Variants in ATXN7 observed in about 807,000 individuals in gnomAD.
The protein encoded by ATXN7 is ataxin 7.
Under a neutral mutation model 70.5 loss-of-function variants are expected in ATXN7, and 12 were observed. That is an observed-to-expected ratio of 0.17 (90% CI 0.11 to 0.28). The LOEUF (loss-of-function observed/expected upper bound fraction) is 0.28. ATXN7 is among the 10% of genes least tolerant of loss of function. The pLI, the probability that ATXN7 is intolerant of heterozygous loss-of-function variation, is 1.00. For synonymous variants in ATXN7, 498 were observed against 448.7 expected, an observed-to-expected ratio of 1.11 and a Z score of -1.39; for missense variants, 1,256 against 1,131.7, an observed-to-expected ratio of 1.11 and a Z score of -1.58.
rs767660545 is a variant in ATXN7 at position 63,995,806 on chromosome 3, G to C, written c.1984G>C (p.Val662Leu). 1 of 1,614,030 alleles carries C rather than the reference G, an allele frequency of 6.2e-7. No homozygotes were observed. The highest frequency in any genetic ancestry group is 8.5e-7 in the Non-Finnish European group (1 of 1,180,042). The change falls in exon 12 of 13, where the codon GTT becomes CTT. Residue 662 changes from valine to leucine, a missense_variant. Coordinates refer to ENST00000674280, the MANE Select transcript of ATXN7 (RefSeq NM_001377405.1). ...SPSTPSGLSS[V>L]PSSPMSRKPQ... is the part of the protein sequence containing the mutation. Reference sequence around the variant, plus strand: ...TTCCACGCCCTCTGGCCTTTCCTCGGTTCCTTCCTCCCCCATGTCCAGGAA... The same window carrying C: ...TTCCACGCCCTCTGGCCTTTCCTCGCTTCCTTCCTCCCCCATGTCCAGGAA...
In ATXN7 at chr3:63,961,404, C is replaced by T. The variant is rs535032804; in HGVS notation, c.499+8921C>T. Among the ~76,000 whole-genome samples the T allele has an allele frequency of 1.4e-4, 21 of 152,172 alleles. No homozygotes were observed. In the South Asian group the frequency reaches 3.7e-3, roughly 27 times the overall value. On this transcript the variant is annotated intron_variant, in intron 5 of 12. Coordinates refer to ENST00000674280, the MANE Select transcript of ATXN7 (RefSeq NM_001377405.1). ...TTACTGTATACAGTGCTCTAAGGAC[C>T]GTCCTTCTTTGGGAATGTCTGTCAG...
At chr3:63,942,466 G>A (rs992988390) in intron 4 of ATXN7, among the ~76,000 whole-genome samples, 2 of 152,076 alleles carry the variant, frequency 1.3e-5, no homozygotes, top group Admixed American at 1.3e-4. Flanking sequence ...TCAACACTTC[G>A]CAGGGTTTTT....
upstream of ATXN7, chr3:63,863,496 CG>C: frequency 1.7e-6 from 2 of 1,179,702 alleles, no homozygotes; most frequent in South Asian, 4.3e-5. Context: ...ACCACGCTCC[CG>C]GCACACCCTA....
rs62251623 is a variant in ATXN7, at chr3:63,879,509, A to G, written c.-111+15351A>G. On this transcript the variant is annotated intron_variant, in intron 1 of 12. Transcript: ENST00000674280. Reference sequence around the variant, plus strand: ...TCAGTTTTTTTTTTTTTTTTTTTAAATAGAGTCTTGCTCTGTCACCCAGGC... The same window carrying G: ...TCAGTTTTTTTTTTTTTTTTTTTAAGTAGAGTCTTGCTCTGTCACCCAGGC... Among the ~76,000 whole-genome samples, 366 of 148,866 alleles carry G rather than the reference A, an allele frequency of 2.5e-3. 2 individuals carry two copies. The highest frequency in any genetic ancestry group is 8.7e-3 in the African/African-American group (353 of 40,398).
chr3:63,970,444 T>A (rs1559650775), intron 5 of ATXN7, among the ~76,000 whole-genome samples: 1 of 152,184 alleles, frequency 6.6e-6, no homozygotes, highest in Non-Finnish European at 1.5e-5. Context: ...GCTGAGGTGA[T>A]CAACTGTTGT....
intron 5 of ATXN7, among the ~76,000 whole-genome samples, chr3:63,961,005 C>G (rs1447021975): frequency 6.6e-6 from 1 of 152,024 alleles, no homozygotes; most frequent in Non-Finnish European, 1.5e-5. Flanking sequence ...CACTGCCTTT[C>G]AATTTGTTTT....
intron 2 of ATXN7, among the ~76,000 whole-genome samples, chr3:63,907,948 CTT>C (rs1203532488): frequency 6.6e-6 from 1 of 152,014 alleles, no homozygotes; most frequent in Admixed American, 6.6e-5. Flanking sequence ...ATTTTCTTCT[CTT>C]TTCAAGCAAT....
intron 4 of ATXN7, among the ~76,000 whole-genome samples, chr3:63,934,689 C>G (rs1239127746): frequency 1.3e-5 from 2 of 152,170 alleles, no homozygotes. Flanking sequence ...CCCTACCGCA[C>G]TTACCACAGA....
At chr3:63,942,780 A>C (rs1247627865) in intron 4 of ATXN7, among the ~76,000 whole-genome samples, 1 of 152,212 alleles carries the variant, frequency 6.6e-6, no homozygotes, top group Non-Finnish European at 1.5e-5. Flanking sequence ...ACACAGTTAC[A>C]AAAGTTTTAT....
rs981718065 is a variant in ATXN7, at chr3:63,990,758, G to A, written c.1581G>A (p.Arg527=). The change falls in exon 11 of 13, where the codon CGG becomes CGA. Residue 527 remains arginine, a synonymous_variant. Transcript: ENST00000674280. The part of the protein sequence containing the change: ...QPASFCTFGS[R]QIGRGYYVFD... ...TGCAGTTTTGCACATTTGGGAGCCG[G>A]CAGATAGGAAGAGGCTATTACGTGT... The A allele has an allele frequency of 6.2e-7, 1 of 1,614,106 alleles. No homozygotes were observed. The highest frequency in any genetic ancestry group is 1.1e-5 in the South Asian group (1 of 91,076).
chr3:63,973,499 G>C (rs1227781601), intron 5 of ATXN7, among the ~76,000 whole-genome samples: 2 of 152,104 alleles, frequency 1.3e-5, no homozygotes, highest in South Asian at 4.1e-4. Flanking sequence ...TTCTGTCACA[G>C]TTCACTCTTC....
chr3:63,895,708 T>TCTTC (rs1290945020), intron 1 of ATXN7, among the ~76,000 whole-genome samples: 1 of 151,930 alleles, frequency 6.6e-6, no homozygotes, highest in East Asian at 1.9e-4. Flanking sequence ...TTTCTTTCTT[T>TCTTC]CTTCCTTCCT....
Position 63,926,275 on chromosome 3 carries a change from A to G in ATXN7, c.394+13050A>G, listed in dbSNP as rs181692191. Among the ~76,000 whole-genome samples the G allele has an allele frequency of 1.7e-3, 256 of 152,322 alleles. 1 individual carries two copies. The highest frequency in any genetic ancestry group is 6.0e-3 in the African/African-American group (248 of 41,584). On this transcript the variant is annotated intron_variant, in intron 4 of 12. Transcript: ENST00000674280. The stretch of plus-strand genomic sequence containing the variant: ...TTAGTGGAGGAGACAGGCAACAACA[A>G]CGAGTTAAAGAAAAGTATATGGCAG...
chr3:63,903,691 T>C (rs114368115), intron 2 of ATXN7: 147 of 152,316 alleles, frequency 9.7e-4, no homozygotes, highest in African/African-American at 3.3e-3. Context: ...ATTATTGTTA[T>C]CTTCCTTTTG....
rs778802006 is a variant in ATXN7 at position 63,999,537 on chromosome 3, T to C, written c.*70T>C. 8 of 1,603,948 alleles carry C rather than the reference T, an allele frequency of 5.0e-6. No homozygotes were observed. Among genetic ancestry groups the C allele is most frequent in the Non-Finnish European group, 5.1e-6 (6 of 1,174,502 alleles). ...GACAAGTTACACCTCCACTCAGCAC[T>C]CTGGACTCCACGATGCCTTTGAGTC... is the stretch of plus-strand genomic sequence containing the variant. On this transcript the variant is annotated 3_prime_UTR_variant, in exon 13 of 13. Coordinates refer to ENST00000674280, the MANE Select transcript of ATXN7 (RefSeq NM_001377405.1).
chr3:63,897,193 T>C (rs1703473639), intron 1 of ATXN7, among the ~76,000 whole-genome samples: 1 of 152,170 alleles, frequency 6.6e-6, no homozygotes, highest in Non-Finnish European at 1.5e-5. Flanking sequence ...CAGCTTTTAT[T>C]GGAAGTAAGG....
At chr3:63,934,686 G>A (rs1436992287) in intron 4 of ATXN7, among the ~76,000 whole-genome samples, 1 of 152,118 alleles carries the variant, frequency 6.6e-6, no homozygotes, top group Non-Finnish European at 1.5e-5. Context: ...AGTCCCTACC[G>A]CACTTACCAC....
At chr3:63,984,125 G>A (rs1692117574) in intron 8 of ATXN7, among the ~76,000 whole-genome samples, 1 of 151,546 alleles carries the variant, frequency 6.6e-6, no homozygotes, top group Non-Finnish European at 1.5e-5. Flanking sequence ...TTTAATTTTA[G>A]TATATAGATT....
rs910336401 is a variant in ATXN7, at chr3:64,003,076, T to C, written c.*3609T>C. On this transcript the variant is annotated 3_prime_UTR_variant, in exon 13 of 13. Transcript: ENST00000674280. The stretch of plus-strand genomic sequence containing the variant: ...TTGGGGCGATTGGGCTTTGAAAAAA[T>C]ATTCTTAAAAGTTTGTTTAGCAGAA... 1.3e-5 allele frequency: 2 copies of C among 152,148 alleles called. No individual in the cohort carries two copies. The highest frequency in any genetic ancestry group is 4.8e-5 in the African/African-American group (2 of 41,432). 9.4% of individuals were successfully genotyped at this position (152,148 alleles called of 1,614,324 possible).
Sources: allele counts gnomAD v4.1 joint callset (sites outside exome capture counted in the v4.1 genomes callset), GRCh38; gene constraint gnomAD v4.1.1; transcripts MANE v1.5; gene names NCBI Gene and HGNC (gene_info 2026-07-23, HGNC 2026-07-21).